Variants in MOB1A observed in about 807,000 individuals in gnomAD.
MOB1A encodes MOB kinase activator 1A.
MOB1A carries 10 observed loss-of-function variants against 25.1 expected under a neutral mutation model. The observed-to-expected ratio is 0.40, with a 90% CI of 0.25 to 0.68. MOB1A has a LOEUF of 0.68. Among genes scored for constraint, MOB1A ranks in the 30% least tolerant of loss-of-function variants. The pLI, the probability that MOB1A is intolerant of heterozygous loss-of-function variation, is 0.40. For synonymous variants in MOB1A, 81 were observed against 79.5 expected (o/e 1.02, Z -0.10); for missense variants, 177 against 256.3 (o/e 0.69, Z 2.11).
intron 1 of MOB1A, among the ~76,000 whole-genome samples, chr2:74,177,430 G>A (rs946812551): frequency 1.3e-5 from 2 of 152,104 alleles, no homozygotes; most frequent in Non-Finnish European, 2.9e-5. Context: ...ATATCAACTC[G>A]TAAGAAAAAA....
intron 2 of MOB1A, 111 bp downstream of exon 2, chr2:74,172,475 A>G: frequency 9.8e-7 from 1 of 1,020,734 alleles, no homozygotes; most frequent in East Asian, 2.5e-5. Flanking sequence ...ATGTTTCTTT[A>G]CAGATAATTT....
At chr2:74,168,586 AG>A (rs5832126) in intron 2 of MOB1A, among the ~76,000 whole-genome samples, 4,397 of 152,262 alleles carry the variant, frequency 0.029, 128 homozygotes, top group East Asian at 0.09. Flanking sequence ...AAGGTTGCAG[AG>A]AGCTGTGAGG....
In MOB1A at chr2:74,178,780, C is replaced by T; in HGVS notation, c.-106G>A. 3.6e-6 allele frequency: 2 copies of T among 558,646 alleles called. No individual in the cohort carries two copies. The highest frequency in any genetic ancestry group is 2.6e-6 in the Non-Finnish European group (1 of 381,228). 34.6% of individuals were successfully genotyped at this position (558,646 alleles called of 1,614,324 possible). On this transcript the variant is annotated 5_prime_UTR_variant, in exon 1 of 6. Coordinates refer to ENST00000396049, the MANE Select transcript of MOB1A (RefSeq NM_018221.5). ...GTCCTTAGCTCACGGGCAGCGGAAG[C>T]CGGGCCGCCGCCGCTCGGAGCCGGG...
chr2:74,164,149 T>C (rs1693059871), intron 4 of MOB1A: 1 of 152,036 alleles, frequency 6.6e-6, no homozygotes. Flanking sequence ...AAAAGGCAAA[T>C]GTGTTTAATA....
intron 2 of MOB1A, 88 bp downstream of exon 2, chr2:74,172,498 C>T (rs1693320990): frequency 8.1e-7 from 1 of 1,234,234 alleles, no homozygotes; most frequent in African/African-American, 1.5e-5. Flanking sequence ...TATATTAAAA[C>T]AGTTCTAACT....
chr2:74,178,680 G>C lies in MOB1A; in HGVS notation c.-6C>G. On this transcript the variant is annotated 5_prime_UTR_variant, in exon 1 of 6. Transcript: ENST00000396049. ...ACTCACAAGAGGAAGCTCATCTTCG[G>C]TCCTCAGAGGGGAGGCGAGGGGCCC... 7.4e-7 allele frequency: 1 copy of C among 1,345,492 alleles called. No homozygotes were observed. Among genetic ancestry groups the C allele is most frequent in the Non-Finnish European group, 9.6e-7 (1 of 1,042,906 alleles). The allele number at this position is 1,345,492 out of a possible 1,614,324, so 83.3% of individuals were successfully genotyped here.
intron 4 of MOB1A, among the ~76,000 whole-genome samples, chr2:74,161,346 G>A (rs1460628561): frequency 6.6e-6 from 1 of 152,080 alleles, no homozygotes; most frequent in Non-Finnish European, 1.5e-5. Context: ...TTCATGTATT[G>A]AAAAAGCAGA....
intron 2 of MOB1A, among the ~76,000 whole-genome samples, chr2:74,169,239 C>T (rs188215003): frequency 3.6e-4 from 55 of 152,280 alleles, no homozygotes; most frequent in African/African-American, 1.1e-3. Flanking sequence ...CAGTGGCTCA[C>T]GCCTGTAATC....
At chr2:74,175,462 G>A (rs1252258652) in intron 1 of MOB1A, among the ~76,000 whole-genome samples, 1 of 152,124 alleles carries the variant, frequency 6.6e-6, no homozygotes, top group African/African-American at 2.4e-5. Flanking sequence ...ACTGGACTAG[G>A]GTACAGAGAA....
intron 5 of MOB1A, among the ~76,000 whole-genome samples, chr2:74,158,174 T>A: frequency 8.3e-6 from 1 of 120,942 alleles, no homozygotes; most frequent in African/African-American, 3.9e-5. Flanking sequence ...AGCAAGACTC[T>A]GTCTCCAAAA....
chr2:74,174,225 T>C (rs559720377), intron 1 of MOB1A, among the ~76,000 whole-genome samples: 1 of 143,082 alleles, frequency 7.0e-6, no homozygotes, highest in East Asian at 2.1e-4. Context: ...GAGCCAAGCT[T>C]GCACCACTGC....
chr2:74,163,891 A>G (rs1693051559), intron 4 of MOB1A: 1 of 152,228 alleles, frequency 6.6e-6, no homozygotes, highest in African/African-American at 2.4e-5. Context: ...AAATATAGTC[A>G]TAATTAAAAT....
At position 74,154,989 on chromosome 2, in the gene MOB1A, C is replaced by T. The variant is rs1347968627; in HGVS notation, c.*1579G>A. 2.0e-5 allele frequency: 3 copies of T among 151,936 alleles called. No individual in the cohort carries two copies. The highest frequency in any genetic ancestry group is 7.3e-5 in the African/African-American group (3 of 41,352). 9.4% of individuals were successfully genotyped at this position (151,936 alleles called of 1,614,324 possible). On this transcript the variant is annotated 3_prime_UTR_variant, in exon 6 of 6. Transcript: ENST00000396049. ...GAAATGATTATTTAAAATGGAGTTT[C>T]TAAGTAATTATTTTCTTTATAGTTT...
chr2:74,162,212 G>A (rs774899827), intron 4 of MOB1A, among the ~76,000 whole-genome samples: 4 of 152,136 alleles, frequency 2.6e-5, no homozygotes, highest in Non-Finnish European at 4.4e-5. Context: ...CAGGCATGGT[G>A]GCTCATGCCT....
chr2:74,176,086 ACACACACAC>A (rs1558840618), intron 1 of MOB1A, among the ~76,000 whole-genome samples: 81 of 69,704 alleles, frequency 1.2e-3, no homozygotes, highest in Admixed American at 2.0e-3. Flanking sequence ...CCTCTACTAC[ACACACACAC>A]ACACACACAC....
In MOB1A at chr2:74,153,418, T is replaced by C. The variant is rs1261038038; in HGVS notation, c.*3150A>G. On this transcript the variant is annotated 3_prime_UTR_variant, in exon 6 of 6. Coordinates refer to ENST00000396049, the MANE Select transcript of MOB1A (RefSeq NM_018221.5). ...ATTGTTCCTCTTGCCTTGGCACTACTAAAAAACTTTACCTTTGTTACTAAA... is the reference window on the plus strand; with the variant it reads ...ATTGTTCCTCTTGCCTTGGCACTACCAAAAAACTTTACCTTTGTTACTAAA... The C allele has an allele frequency of 6.6e-6, 1 of 152,200 alleles. No homozygotes were observed. Among genetic ancestry groups the C allele is most frequent in the African/African-American group, 2.4e-5 (1 of 41,452 alleles). 9.4% of individuals were successfully genotyped at this position (152,200 alleles called of 1,614,324 possible). A position where few individuals can be genotyped will look rare whatever the true frequency, so the allele number is the denominator to read the frequency against.
intron 5 of MOB1A, among the ~76,000 whole-genome samples, chr2:74,157,418 C>A (rs576844621): frequency 2.0e-5 from 3 of 152,068 alleles, no homozygotes; most frequent in African/African-American, 7.2e-5. Context: ...TCATAATAAA[C>A]AGGTAGAGAT....
chr2:74,157,354 G>A (rs1692833222), intron 5 of MOB1A, among the ~76,000 whole-genome samples: 1 of 151,770 alleles, frequency 6.6e-6, no homozygotes, highest in African/African-American at 2.4e-5. Flanking sequence ...TTCTCCTTTG[G>A]CCCTACACAT....
intron 5 of MOB1A, 27 bp downstream of exon 5, chr2:74,159,064 C>G: frequency 6.2e-7 from 1 of 1,611,406 alleles, no homozygotes; most frequent in Non-Finnish European, 8.5e-7. Flanking sequence ...AGTCACAGGA[C>G]ACAGAAATCA....
Sources: gnomAD v4.1 joint callset for allele counts (sites outside exome capture counted in the v4.1 genomes callset) on GRCh38, gnomAD v4.1.1 for gene constraint, MANE v1.5 for transcripts, NCBI Gene and HGNC (gene_info 2026-07-23, HGNC 2026-07-21) for gene names.